CHD1L: variants seen among roughly 807,000 people sequenced by gnomAD.
CHD1L encodes the protein ATP-dependent chromatin remodeler CHD1L.
In CHD1L, 118 loss-of-function variants were observed where a neutral mutation model predicts 115.9. The ratio of observed to expected loss-of-function variants is 1.02; its 90% CI spans 0.88 to 1.19. The LOEUF (loss-of-function observed/expected upper bound fraction) is 1.19, where lower values mean the gene tolerates loss of function less well. Among genes scored for constraint, CHD1L ranks in the 50% most tolerant of loss-of-function variants. CHD1L has a pLI of 0.00. For synonymous variants in CHD1L, 411 were observed against 387.1 expected, an observed-to-expected ratio of 1.06 and a Z score of -0.72; for missense variants, 1,179 against 1,065.3, an observed-to-expected ratio of 1.11 and a Z score of -1.49.
intron 19 of CHD1L, among the ~76,000 whole-genome samples, chr1:147,288,336 A>AAAAG (rs1553967806): frequency 3.1e-3 from 4 of 1,298 alleles, no homozygotes; most frequent in African/African-American, 4.7e-3. Context: ...AAAAAAAAAA[A>AAAAG]AAAAAAAAAA....
chr1:147,295,651 T>C lies in CHD1L; in HGVS notation c.*142T>C. On this transcript the variant is annotated 3_prime_UTR_variant, in exon 23 of 23. Coordinates refer to ENST00000369258, the MANE Select transcript of CHD1L (RefSeq NM_004284.6). ...TTTCTGAGTTTCAGTTTGGTTCTCC[T>C]GGATGTTTTGCTCTGTTTTGGTACC... 1.5e-6 allele frequency: 1 copy of C among 649,748 alleles called. No homozygotes were observed. The highest frequency in any genetic ancestry group is 2.2e-5 in the South Asian group (1 of 46,474). 40.2% of individuals were successfully genotyped at this position (649,748 alleles called of 1,614,324 possible).
At chr1:147,199,601 G>A in the CHD1L span, among the ~76,000 whole-genome samples, 9 of 152,196 alleles carry the variant, frequency 5.9e-5, no homozygotes, top group Non-Finnish European at 1.3e-4. Context: ...GTTGCTTAAA[G>A]TATACTAAGA....
At chr1:147,241,575 C>T (rs1664890751), upstream of CHD1L, among the ~76,000 whole-genome samples, 1 of 152,166 alleles carries the variant, frequency 6.6e-6, no homozygotes, top group South Asian at 2.1e-4. Flanking sequence ...GTTTGGTGGT[C>T]TCTTCACACG....
intron 15 of CHD1L, among the ~76,000 whole-genome samples, chr1:147,282,815 C>A (rs1159844621): frequency 6.6e-6 from 1 of 152,146 alleles, no homozygotes; most frequent in East Asian, 1.9e-4. Context: ...AATCCAACTG[C>A]CTAAAATAAT....
the CHD1L span, chr1:147,215,076 G>T: frequency 2.0e-5 from 3 of 152,224 alleles, no homozygotes; most frequent in African/African-American, 7.2e-5. Context: ...TTCTTTTATG[G>T]TCATGATCAG....
chr1:147,272,206 G>C lies in CHD1L; in HGVS notation c.1195G>C (p.Gly399Arg). Residue 399 changes from glycine (G) to arginine (R), a missense_variant, in exon 12 of 23, where the codon GGA (glycine) becomes CGA (arginine). By Grantham distance (125) the Gly-to-Arg change is moderately radical. Coordinates refer to ENST00000369258, the MANE Select transcript of CHD1L (RefSeq NM_004284.6). ...SYERVDGSVR[G>R]EERHLAIKNF... ...TGAGCGTGTGGATGGTTCTGTGAGAGGAGAAGAGAGACACTTGGCCATTAA... is the reference window on the plus strand; with the variant it reads ...TGAGCGTGTGGATGGTTCTGTGAGACGAGAAGAGAGACACTTGGCCATTAA... 1 of 1,614,012 alleles carries C rather than the reference G, an allele frequency of 6.2e-7. No individual in the cohort carries two copies. Among genetic ancestry groups the C allele is most frequent in the Non-Finnish European group, 8.5e-7 (1 of 1,179,878 alleles).
upstream of CHD1L, among the ~76,000 whole-genome samples, chr1:147,241,564 T>C (rs1664889354): frequency 6.6e-6 from 1 of 152,204 alleles, no homozygotes; most frequent in African/African-American, 2.4e-5. Flanking sequence ...ACACAAAGCC[T>C]GTTTGGTGGT....
the CHD1L span, chr1:147,173,385 C>T: frequency 6.6e-6 from 1 of 152,274 alleles, no homozygotes; most frequent in East Asian, 1.9e-4. Context: ...GGGAAGAATT[C>T]AAGATGGCGT....
intron 20 of CHD1L, 77 bp from the exon 21 acceptor site, chr1:147,293,531 C>T (rs910565812): frequency 3.3e-5 from 40 of 1,215,068 alleles, no homozygotes; most frequent in Non-Finnish European, 4.8e-5. Context: ...AAGGGCTGTG[C>T]CGCCTCCATG....
chr1:147,288,811 G>A (rs1451513765), intron 19 of CHD1L, among the ~76,000 whole-genome samples: 1 of 152,166 alleles, frequency 6.6e-6, no homozygotes, highest in Non-Finnish European at 1.5e-5. Flanking sequence ...CCTGGAGACA[G>A]AAATAAAGCT....
intron 9 of CHD1L, among the ~76,000 whole-genome samples, chr1:147,267,822 T>G (rs183096605): frequency 4.6e-5 from 7 of 152,156 alleles, no homozygotes; most frequent in Admixed American, 3.3e-4. Context: ...TTCTTCAGCG[T>G]TTTTTTTCTT....
At position 147,291,545 on chromosome 1, in the gene CHD1L, A is replaced by G; in HGVS notation, c.2384A>G (p.Gln795Arg). ...GATAAAGAATCAAGAAACAAAGGGC[A>G]AGATTTGGTAAGTAAAACCCATCTC... ...VDDKESRNKG[Q>R]DLLALIVAQH... is the part of the protein sequence containing the mutation. Residue 795 changes from glutamine (Q) to arginine (R), a missense_variant, in exon 20 of 23, where the codon CAA (glutamine) becomes CGA (arginine). Gln to Arg is a conservative substitution (Grantham distance 43). Transcript: ENST00000369258. 1.2e-6 allele frequency: 2 copies of G among 1,613,382 alleles called. No homozygotes were observed. Among genetic ancestry groups the G allele is most frequent in the Non-Finnish European group, 1.7e-6 (2 of 1,179,328 alleles).
chr1:147,259,072 G>A (rs924673734), intron 5 of CHD1L: 2 of 151,720 alleles, frequency 1.3e-5, no homozygotes, highest in Admixed American at 1.3e-4. Context: ...TCCATTTTTT[G>A]CTGTTTTAAA....
At chr1:147,238,203 T>C (rs1184975462), upstream of CHD1L, among the ~76,000 whole-genome samples, 1 of 152,206 alleles carries the variant, frequency 6.6e-6, no homozygotes, top group Non-Finnish European at 1.5e-5. Flanking sequence ...ACAAAAATCT[T>C]CCACCCATGG....
At chr1:147,242,618 A>G (rs994467458), upstream of CHD1L, 2 of 1,211,308 alleles carry the variant, frequency 1.7e-6, no homozygotes, top group Admixed American at 4.2e-5. Flanking sequence ...GGTGGGCCCC[A>G]GCGCGCAGTC....
At chr1:147,235,923 T>C in the CHD1L span, among the ~76,000 whole-genome samples, 2 of 152,190 alleles carry the variant, frequency 1.3e-5, no homozygotes, top group Non-Finnish European at 2.9e-5. Flanking sequence ...CTCAAGCCTA[T>C]TGGGCTTGTT....
chr1:147,292,760 T>G (rs7555913), intron 20 of CHD1L, among the ~76,000 whole-genome samples: 6,172 of 152,198 alleles, frequency 0.041, 137 homozygotes, highest in African/African-American at 0.059. Flanking sequence ...TTTAAATAAC[T>G]AGATGTCATG....
At position 147,247,506 on chromosome 1, in the gene CHD1L, C is replaced by T. The variant is rs77828810; in HGVS notation, c.127+4676C>T. On this transcript the variant is annotated intron_variant, in intron 1 of 22. Transcript: ENST00000369258. ...CTCTGTACATGCCACCCCCACTTCC[C>T]CTTCTGCCATTAGTGGAAACAGTCT... 2.7e-3 allele frequency among the ~76,000 whole-genome samples: 405 copies of T among 152,284 alleles called. 2 individuals are homozygous for T. The highest frequency in any genetic ancestry group is 9.2e-3 in the African/African-American group (382 of 41,552).
the CHD1L span, chr1:147,186,730 A>G: frequency 7.0e-7 from 1 of 1,431,336 alleles, no homozygotes; most frequent in East Asian, 2.5e-5. Flanking sequence ...AGTTAATACA[A>G]ATGGAAAACA....
Sources: gnomAD v4.1 joint callset for allele counts (sites outside exome capture counted in the v4.1 genomes callset) on GRCh38, gnomAD v4.1.1 for gene constraint, MANE v1.5 for transcripts, NCBI Gene and HGNC (gene_info 2026-07-23, HGNC 2026-07-21) for gene names.